Variants in SLIT2 observed in about 807,000 individuals in gnomAD.
The protein encoded by SLIT2 is slit guidance ligand 2.
Under a neutral mutation model 185.7 loss-of-function variants are expected in SLIT2, and 41 were observed. That is an observed-to-expected ratio of 0.22 (90% confidence interval 0.17 to 0.29). The LOEUF (loss-of-function observed/expected upper bound fraction) is 0.29. Among genes scored for constraint, SLIT2 ranks in the 10% least tolerant of loss-of-function variants. The pLI is 1.00. For synonymous variants in SLIT2, 693 were observed against 680.2 expected (o/e 1.02, Z -0.29); for missense variants, 1,571 against 1,909.0 (o/e 0.82, Z 3.30).
At chr4:20,465,507 A>C in intron 4 of SLIT2, among the ~76,000 whole-genome samples, 1 of 152,194 alleles carries the variant, frequency 6.6e-6, no homozygotes, top group Non-Finnish European at 1.5e-5. Flanking sequence ...ATCAGAGCTG[A>C]GACCCCATAG....
At chr4:20,441,809 AACTTTAT>A (rs1484599121) in intron 4 of SLIT2, among the ~76,000 whole-genome samples, 8 of 152,228 alleles carry the variant, frequency 5.3e-5, no homozygotes, top group Admixed American at 3.3e-4. Flanking sequence ...AGCAGCCCAG[AACTTTAT>A]ACTTTAACCA....
chr4:20,445,534 A>G (rs1711668799), intron 4 of SLIT2, among the ~76,000 whole-genome samples: 1 of 152,178 alleles, frequency 6.6e-6, no homozygotes, highest in African/African-American at 2.4e-5. Flanking sequence ...TTTATGCTGT[A>G]ATCAGACTCA....
At chr4:20,461,819 T>A (rs1389601369) in intron 4 of SLIT2, among the ~76,000 whole-genome samples, 1 of 152,122 alleles carries the variant, frequency 6.6e-6, no homozygotes, top group Non-Finnish European at 1.5e-5. Context: ...TGATATAAAC[T>A]CAAATTTGGA....
At chr4:20,492,784 G>A (rs1033179895) in intron 9 of SLIT2, among the ~76,000 whole-genome samples, 4 of 151,842 alleles carry the variant, frequency 2.6e-5, no homozygotes, top group African/African-American at 7.2e-5. Flanking sequence ...TTTTTAAAGC[G>A]CTCATTTTTA....
intron 34 of SLIT2, chr4:20,616,434 T>C (rs565468254): frequency 6.5e-6 from 1 of 152,900 alleles, no homozygotes; most frequent in South Asian, 2.1e-4. Flanking sequence ...CAGGGCTTTC[T>C]GAGCCCTAGC....
chr4:20,353,757 A>G (rs763142279), intron 4 of SLIT2, among the ~76,000 whole-genome samples: 7 of 152,202 alleles, frequency 4.6e-5, no homozygotes, highest in African/African-American at 1.4e-4. Flanking sequence ...CCAGACAAGG[A>G]AGTGACTTTC....
chr4:20,401,294 A>C (rs1479891001), intron 4 of SLIT2, among the ~76,000 whole-genome samples: 1 of 151,880 alleles, frequency 6.6e-6, no homozygotes, highest in African/African-American at 2.4e-5. Context: ...ATAATTAATC[A>C]TGTTGATCAG....
Position 20,399,511 on chromosome 4 carries a change from G to T in SLIT2, c.396-68241G>T, listed in dbSNP as rs28648472. 4.8e-3 allele frequency among the ~76,000 whole-genome samples: 723 copies of T among 151,798 alleles called. 11 individuals are homozygous for T. The highest frequency in any genetic ancestry group is 0.017 in the African/African-American group (701 of 41,468). On this transcript the variant is annotated intron_variant, in intron 4 of 36. Transcript: ENST00000504154. ...TTTTAATTACGTTAATATATGTAAA[G>T]TGATCGGAATAATAATTGAATATGC...
At chr4:20,527,748 TAATA>T (rs1165034405) in intron 15 of SLIT2, among the ~76,000 whole-genome samples, 2 of 152,192 alleles carry the variant, frequency 1.3e-5, no homozygotes, top group African/African-American at 4.8e-5. Flanking sequence ...ATAATTCCCA[TAATA>T]AAGAAAGAAG....
Position 20,488,825 on chromosome 4 carries a change from G to A in SLIT2, c.618G>A (p.Leu206=). 3 of 1,580,610 alleles carry A rather than the reference G, an allele frequency of 1.9e-6. No homozygotes were observed. The highest frequency in any genetic ancestry group is 2.3e-5 in the East Asian group (1 of 44,288). Residue 206 remains leucine (L), a synonymous_variant, in exon 8 of 37, where the codon CTG becomes CTA. Transcript: ENST00000504154. ...NHMPKLRTFR[L]HSNNLYCDCH... is the part of the protein sequence containing the mutation. ...TTCTTTTTTTCTCATTTAGTCGACT[G>A]CATTCAAACAACCTGTATTGTGACT...
At chr4:20,315,011 A>ATAAC (rs10696291) in intron 4 of SLIT2, among the ~76,000 whole-genome samples, 1 of 120,068 alleles carries the variant, frequency 8.3e-6, no homozygotes, top group South Asian at 3.0e-4. Flanking sequence ...CCTGTAATAA[A>ATAAC]ATAATTAATT....
intron 9 of SLIT2, among the ~76,000 whole-genome samples, chr4:20,508,380 A>G (rs1719394731): frequency 6.6e-6 from 1 of 152,070 alleles, no homozygotes; most frequent in African/African-American, 2.4e-5. Context: ...TATCAATACT[A>G]GTATAAAAGT....
At position 20,358,107 on chromosome 4, in the gene SLIT2, A is replaced by G. The variant is rs143099846; in HGVS notation, c.395+89226A>G. The stretch of plus-strand genomic sequence containing the variant: ...GTTGTTTTTAACATTAAGAACTTAC[A>G]TAATTGGTCCAGAAAATCAGACCTA... On this transcript the variant is annotated intron_variant, in intron 4 of 36. Transcript: ENST00000504154. Among the ~76,000 whole-genome samples, 404 of 152,266 alleles carry G rather than the reference A, an allele frequency of 2.7e-3. 7 individuals are homozygous for G. Among genetic ancestry groups the G allele is most frequent in the Admixed American group, 0.022 (339 of 15,270 alleles).
At chr4:20,582,811 A>C (rs1726705345) in intron 29 of SLIT2, among the ~76,000 whole-genome samples, 1 of 152,142 alleles carries the variant, frequency 6.6e-6, no homozygotes, top group African/African-American at 2.4e-5. Flanking sequence ...CTACTCTTGC[A>C]CTTTGGGGCC....
chr4:20,592,670 G>C (rs1727603807), intron 30 of SLIT2, among the ~76,000 whole-genome samples: 1 of 152,096 alleles, frequency 6.6e-6, no homozygotes, highest in Non-Finnish European at 1.5e-5. Flanking sequence ...AATTCAGAGT[G>C]TTTCAAAGCA....
intron 9 of SLIT2, 68 bp downstream of exon 9, chr4:20,491,967 A>G: frequency 6.5e-7 from 1 of 1,537,590 alleles, no homozygotes; most frequent in Non-Finnish European, 8.9e-7. Flanking sequence ...TTTCTTTGGG[A>G]AATTCTGAGT....
At chr4:20,473,696 A>T (rs1163188035) in intron 5 of SLIT2, among the ~76,000 whole-genome samples, 1 of 151,930 alleles carries the variant, frequency 6.6e-6, no homozygotes, top group Non-Finnish European at 1.5e-5. Context: ...ATTTCATCAT[A>T]TTTTTAATTT....
intron 26 of SLIT2, among the ~76,000 whole-genome samples, chr4:20,559,065 A>G (rs1724488078): frequency 6.6e-6 from 1 of 151,946 alleles, no homozygotes; most frequent in Admixed American, 6.6e-5. Flanking sequence ...GACAAGTGTG[A>G]GGATAATGCT....
chr4:20,617,959 T>G (rs973948358), intron 36 of SLIT2, among the ~76,000 whole-genome samples: 8 of 152,242 alleles, frequency 5.3e-5, no homozygotes, highest in Non-Finnish European at 1.2e-4. Flanking sequence ...TTTTACCTGA[T>G]GGAGAAGCAC....
Sources: gnomAD v4.1 joint callset for allele counts (sites outside exome capture counted in the v4.1 genomes callset) on GRCh38, gnomAD v4.1.1 for gene constraint, MANE v1.5 for transcripts, NCBI Gene and HGNC (gene_info 2026-07-23, HGNC 2026-07-21) for gene names.